The following GALNTL6 variants were observed in gnomAD, a reference collection of about 807,000 sequenced individuals.
The protein encoded by GALNTL6 is polypeptide N-acetylgalactosaminyltransferase-like 6.
Under a neutral mutation model 73.7 loss-of-function variants are expected in GALNTL6, and 46 were observed. The observed-to-expected ratio is 0.62, with a 90% confidence interval of 0.49 to 0.80. The LOEUF (loss-of-function observed/expected upper bound fraction) is 0.80. Ranked by LOEUF, GALNTL6 falls within the 30% of genes least tolerant of loss-of-function variation. The pLI is 0.00. For synonymous variants in GALNTL6, 259 were observed against 263.7 expected (o/e 0.98, Z 0.17); for missense variants, 604 against 755.0 (o/e 0.80, Z 2.34).
At chr4:172,198,738 CCTT>C (rs753615669) in intron 2 of GALNTL6, among the ~76,000 whole-genome samples, 10 of 152,152 alleles carry the variant, frequency 6.6e-5, no homozygotes, top group Non-Finnish European at 1.0e-4. Flanking sequence ...AACATATAAT[CCTT>C]CTTCTTAGAG....
intron 2 of GALNTL6, among the ~76,000 whole-genome samples, chr4:172,169,291 C>G (rs935578521): frequency 4.6e-5 from 7 of 152,138 alleles, no homozygotes; most frequent in Admixed American, 1.3e-4. Flanking sequence ...GATATTCAAC[C>G]AGAGGCTTCA....
At chr4:172,275,752 T>A (rs1253244228) in intron 3 of GALNTL6, among the ~76,000 whole-genome samples, 3 of 152,122 alleles carry the variant, frequency 2.0e-5, no homozygotes, top group Non-Finnish European at 4.4e-5. Context: ...AGGTCAAAAG[T>A]TGGACACCAG....
chr4:172,056,181 CATA>C (rs1312579168), intron 2 of GALNTL6, among the ~76,000 whole-genome samples: 6 of 152,088 alleles, frequency 3.9e-5, no homozygotes, highest in Non-Finnish European at 8.8e-5. Flanking sequence ...CATTTTATCA[CATA>C]ATATTTATCG....
intron 2 of GALNTL6, among the ~76,000 whole-genome samples, chr4:172,170,183 A>C (rs1484683379): frequency 6.6e-6 from 1 of 152,124 alleles, no homozygotes; most frequent in Non-Finnish European, 1.5e-5. Flanking sequence ...CTGTGTCTCC[A>C]CCCAAAATCT....
At chr4:172,004,571 T>C (rs1161072168) in intron 2 of GALNTL6, among the ~76,000 whole-genome samples, 2 of 152,210 alleles carry the variant, frequency 1.3e-5, no homozygotes, top group East Asian at 3.9e-4. Flanking sequence ...TGCCAATACT[T>C]TAATAAAACT....
intron 5 of GALNTL6, among the ~76,000 whole-genome samples, chr4:172,433,722 G>A (rs1260948300): frequency 6.6e-6 from 1 of 151,426 alleles, no homozygotes; most frequent in Non-Finnish European, 1.5e-5. Context: ...TCCATAAGCT[G>A]ATACATCCTT....
chr4:171,971,260 G>A (rs1047550912), intron 2 of GALNTL6, among the ~76,000 whole-genome samples: 1 of 152,150 alleles, frequency 6.6e-6, no homozygotes, highest in African/African-American at 2.4e-5. Context: ...TTTCTAGGCT[G>A]TGAATTATCC....
At chr4:172,453,894 A>G (rs1732303113) in intron 5 of GALNTL6, among the ~76,000 whole-genome samples, 1 of 152,224 alleles carries the variant, frequency 6.6e-6, no homozygotes, top group Non-Finnish European at 1.5e-5. Context: ...TGTTAGTTCC[A>G]TCCCTGAAAA....
intron 2 of GALNTL6, among the ~76,000 whole-genome samples, chr4:171,925,688 T>G (rs1221824706): frequency 1.3e-5 from 2 of 152,318 alleles, no homozygotes; most frequent in East Asian, 3.9e-4. Flanking sequence ...TTTCTAGCAA[T>G]CTTTAATTTG....
chr4:172,676,910 T>C (rs1045435700), intron 5 of GALNTL6, among the ~76,000 whole-genome samples: 6 of 152,222 alleles, frequency 3.9e-5, no homozygotes, highest in Non-Finnish European at 8.8e-5. Context: ...TAAGGTACTA[T>C]TGACAATGCC....
At position 172,747,650 on chromosome 4, in the gene GALNTL6, G is replaced by A. The variant is rs1319851150; in HGVS notation, c.554-61711G>A. ...AAATAAAGAATTACCATATGATCCA[G>A]CAATCTCATTACTGGATATATACCA... On this transcript the variant is annotated intron_variant, in intron 5 of 12. Transcript: ENST00000506823. 7.9e-5 allele frequency among the ~76,000 whole-genome samples: 12 copies of A among 152,102 alleles called. No individual in the cohort carries two copies. In the East Asian group the frequency reaches 2.3e-3, roughly 29 times the overall value.
chr4:171,849,949 A>G (rs953522160), intron 2 of GALNTL6, among the ~76,000 whole-genome samples: 1 of 152,140 alleles, frequency 6.6e-6, no homozygotes, highest in African/African-American at 2.4e-5. Context: ...TTGCATATGA[A>G]CTAGTGGAGA....
At chr4:172,264,733 C>T (rs1246571965) in intron 3 of GALNTL6, among the ~76,000 whole-genome samples, 2 of 149,544 alleles carry the variant, frequency 1.3e-5, no homozygotes, top group African/African-American at 4.9e-5. Context: ...GGCTTCACAT[C>T]ATTTATACAG....
Position 172,214,154 on chromosome 4 carries a change from C to G in GALNTL6, c.139-15502C>G, listed in dbSNP as rs1409759757. ...GGCATCTATATTCTGTTCTGTTGAC[C>G]TGTGTGTCTATTCTTGTGACAATAC... On this transcript the variant is annotated intron_variant, in intron 2 of 12. Transcript: ENST00000506823. Among the ~76,000 whole-genome samples the G allele has an allele frequency of 7.9e-5, 12 of 152,206 alleles. No homozygotes were observed. The East Asian group carries it at 1.9e-3, about 24-fold the overall frequency.
intron 2 of GALNTL6, among the ~76,000 whole-genome samples, chr4:172,058,802 C>T (rs369347354): frequency 6.6e-6 from 1 of 152,066 alleles, no homozygotes; most frequent in Non-Finnish European, 1.5e-5. Context: ...TTTCCAGAAC[C>T]TACTTTACTT....
At chr4:172,620,775 T>C (rs1738923120) in intron 5 of GALNTL6, among the ~76,000 whole-genome samples, 2 of 152,192 alleles carry the variant, frequency 1.3e-5, no homozygotes, top group South Asian at 4.1e-4. Flanking sequence ...GAGAGTTCCC[T>C]GAGTTGTTAG....
chr4:172,717,494 A>G (rs1161334765), intron 5 of GALNTL6, among the ~76,000 whole-genome samples: 1 of 152,230 alleles, frequency 6.6e-6, no homozygotes, highest in Non-Finnish European at 1.5e-5. Flanking sequence ...ATCAATAAAG[A>G]TGGCAGATGA....
intron 2 of GALNTL6, among the ~76,000 whole-genome samples, chr4:171,897,920 C>T (rs983599245): frequency 4.6e-5 from 7 of 151,030 alleles, no homozygotes; most frequent in African/African-American, 1.7e-4. Context: ...GAGTGAGACT[C>T]TGTCTCAAAA....
chr4:172,361,964 C>T (rs1398750443), intron 5 of GALNTL6, among the ~76,000 whole-genome samples: 2 of 152,076 alleles, frequency 1.3e-5, no homozygotes, highest in Admixed American at 6.6e-5. Context: ...AAAGTAAGCA[C>T]TCAATAAATT....
Sources: allele counts gnomAD v4.1 joint callset (sites outside exome capture counted in the v4.1 genomes callset), GRCh38; gene constraint gnomAD v4.1.1; transcripts MANE v1.5; gene names NCBI Gene and HGNC (gene_info 2026-07-23, HGNC 2026-07-21).